AGPAT4: variants seen among roughly 807,000 people sequenced by gnomAD.
AGPAT4 encodes 1-acyl-sn-glycerol-3-phosphate acyltransferase delta.
In AGPAT4, 15 loss-of-function variants were observed where a neutral mutation model predicts 48.0. The ratio of observed to expected loss-of-function variants is 0.31; its 90% CI spans 0.21 to 0.48. AGPAT4 has a LOEUF of 0.48. Ranked by LOEUF, AGPAT4 falls within the 20% of genes least tolerant of loss-of-function variation. AGPAT4 has a pLI of 0.99. For missense variants in AGPAT4, 314 were observed against 482.5 expected, an observed-to-expected ratio of 0.65 and a Z score of 3.27; for synonymous variants, 178 against 198.7, an observed-to-expected ratio of 0.90 and a Z score of 0.88.
At position 161,232,346 on chromosome 6, in the gene AGPAT4, G is replaced by T; in HGVS notation, c.-89-44C>A. On this transcript the variant is annotated intron_variant, in intron 1 of 8. Transcript: ENST00000320285. This position sits in a 1 kb window ranked among gnomAD's most constrained non-coding sequence, Gnocchi z 6.8. ...GGAAATGTTAGCAAAAACACGATGT[G>T]CTTTTAGAGTCAGAAAAAAAGTGCT... is the stretch of plus-strand genomic sequence containing the variant. 1.1e-6 allele frequency: 1 copy of T among 887,214 alleles called. No homozygotes were observed. Among genetic ancestry groups the T allele is most frequent in the Non-Finnish European group, 1.7e-6 (1 of 601,022 alleles). The allele number at this position is 887,214 out of a possible 1,614,324, so 55.0% of individuals were successfully genotyped here.
rs558929627 is a variant in AGPAT4, at chr6:161,246,261, A to G, written c.-89-13959T>C. On this transcript the variant is annotated intron_variant, in intron 1 of 8. Transcript: ENST00000320285. This position sits in a 1 kb window ranked among gnomAD's most constrained non-coding sequence, Gnocchi z 5.5. Reference sequence around the variant, plus strand: ...ACAGAGTTGTTTAATTCACGCATACATTCATTCGTCCACTGAGAAGTATAT... The same window carrying G: ...ACAGAGTTGTTTAATTCACGCATACGTTCATTCGTCCACTGAGAAGTATAT... Among the ~76,000 whole-genome samples, 2 of 152,274 alleles carry G rather than the reference A, an allele frequency of 1.3e-5. No individual in the cohort carries two copies. Among genetic ancestry groups the G allele is most frequent in the East Asian group, 3.9e-4 (2 of 5,176 alleles).
chr6:161,139,390 C>A lies in AGPAT4; in HGVS notation c.1042+32G>T. ...GCCACCTCTCCCAGGGTGGTGCTGTCAGCACCCACCAGCCCCTTGCCCTCC... is the reference window on the plus strand; with the variant it reads ...GCCACCTCTCCCAGGGTGGTGCTGTAAGCACCCACCAGCCCCTTGCCCTCC... On this transcript the variant is annotated intron_variant, in intron 8 of 8. Coordinates refer to ENST00000320285, the MANE Select transcript of AGPAT4 (RefSeq NM_020133.3). This position sits in a 1 kb window ranked among gnomAD's most constrained non-coding sequence, Gnocchi z 9.1. 1 of 1,609,970 alleles carries A rather than the reference C, an allele frequency of 6.2e-7. No homozygotes were observed. The highest frequency in any genetic ancestry group is 1.1e-5 in the South Asian group (1 of 90,766).
intron 5 of AGPAT4, among the ~76,000 whole-genome samples, chr6:161,150,893 C>T (rs1057443363): frequency 6.6e-6 from 1 of 152,326 alleles, no homozygotes; most frequent in African/African-American, 2.4e-5. Context: ...TCACGTAGTT[C>T]AGCGGTTTTG....
rs990342485 is a variant in AGPAT4, at chr6:161,264,934, G to A, written c.-90+9004C>T. Among the ~76,000 whole-genome samples, 1 of 152,144 alleles carries A rather than the reference G, an allele frequency of 6.6e-6. No homozygotes were observed. The highest frequency in any genetic ancestry group is 1.5e-5 in the Non-Finnish European group (1 of 67,992). On this transcript the variant is annotated intron_variant, in intron 1 of 8. Transcript: ENST00000320285. The surrounding 1 kb of genome is among the most constrained non-coding windows in gnomAD (Gnocchi z 6.8). ...AGCCTAACTTCAGGCAGGGCAGGGT[G>A]CTGGTCCTGGGAAGGAAGTAAAGGT...
chr6:161,192,912 C>T (rs374382293), intron 2 of AGPAT4, among the ~76,000 whole-genome samples: 15 of 152,274 alleles, frequency 9.9e-5, no homozygotes, highest in African/African-American at 3.4e-4. Flanking sequence ...TGGTCTGTCA[C>T]TCTTTGGAAG....
rs749319306 is a variant in AGPAT4 at position 161,243,888 on chromosome 6, T to G, written c.-89-11586A>C. ...CCCTGAGCTGAAGTGACTCCTAAGATCCTCAAAGCCCACTCACAAGTTTTA... is the reference window on the plus strand; with the variant it reads ...CCCTGAGCTGAAGTGACTCCTAAGAGCCTCAAAGCCCACTCACAAGTTTTA... On this transcript the variant is annotated intron_variant, in intron 1 of 8. Coordinates refer to ENST00000320285, the MANE Select transcript of AGPAT4 (RefSeq NM_020133.3). This position sits in a 1 kb window ranked among gnomAD's most constrained non-coding sequence, Gnocchi z 4.8. Among the ~76,000 whole-genome samples, 1 of 152,186 alleles carries G rather than the reference T, an allele frequency of 6.6e-6. No homozygotes were observed. Among genetic ancestry groups the G allele is most frequent in the Non-Finnish European group, 1.5e-5 (1 of 68,038 alleles).
intron 2 of AGPAT4, among the ~76,000 whole-genome samples, chr6:161,168,630 C>G (rs922886869): frequency 6.6e-6 from 1 of 152,046 alleles, no homozygotes; most frequent in Non-Finnish European, 1.5e-5. Flanking sequence ...ACAAATGCCG[C>G]GTGATTACCT....
chr6:161,177,998 T>C lies in AGPAT4; in HGVS notation c.179-11581A>G, dbSNP rs1034363450. On this transcript the variant is annotated intron_variant, in intron 2 of 8. Transcript: ENST00000320285. The surrounding 1 kb of genome is among the most constrained non-coding windows in gnomAD (Gnocchi z 5.0). ...CAGAACAGCAAATGTTGCTGCCTGA[T>C]CCTTCCTCTGAAAGCTTCGTCTCAG... 1.3e-5 allele frequency among the ~76,000 whole-genome samples: 2 copies of C among 152,182 alleles called. No homozygotes were observed. The highest frequency in any genetic ancestry group is 2.9e-5 in the Non-Finnish European group (2 of 68,040).
rs1781989725 is a variant in AGPAT4, at chr6:161,226,654, C to A, written c.178+5382G>T. 6.6e-6 allele frequency among the ~76,000 whole-genome samples: 1 copy of A among 152,308 alleles called. No individual in the cohort carries two copies. The highest frequency in any genetic ancestry group is 2.4e-5 in the African/African-American group (1 of 41,584). On this transcript the variant is annotated intron_variant, in intron 2 of 8. Transcript: ENST00000320285. The surrounding 1 kb of genome is among the most constrained non-coding windows in gnomAD (Gnocchi z 6.3). ...AAGGCAGCCAGGCAGGGCTGGAGAG[C>A]TAGGTTCACTTTGTATAAAATTTTA...
At position 161,130,148 on chromosome 6, in the gene AGPAT4, C is replaced by T. The variant is rs2114939557; in HGVS notation, c.*6392G>A. ...TAGGGTGACATGACAGCCCATATAT[C>T]AGTTCTCTGTTTCACATTAAAAAGT... On this transcript the variant is annotated 3_prime_UTR_variant, in exon 9 of 9. Transcript: ENST00000320285. 6.6e-6 allele frequency: 1 copy of T among 152,344 alleles called. No individual in the cohort carries two copies. Among genetic ancestry groups the T allele is most frequent in the Admixed American group, 6.5e-5 (1 of 15,310 alleles). The allele number at this position is 152,344 out of a possible 1,614,324, so 9.4% of individuals were successfully genotyped here. A position where few individuals can be genotyped will look rare whatever the true frequency, so the allele number is the denominator to read the frequency against.
At chr6:161,203,445 A>G (rs533923797) in intron 2 of AGPAT4, among the ~76,000 whole-genome samples, 9 of 139,850 alleles carry the variant, frequency 6.4e-5, no homozygotes, top group Admixed American at 3.0e-4. Context: ...TTGGAGTGCA[A>G]TGGCGTGATC....
Position 161,270,868 on chromosome 6 carries a change from CA to C in AGPAT4, c.-90+3069del, listed in dbSNP as rs1783402426. 1.3e-5 allele frequency among the ~76,000 whole-genome samples: 2 copies of C among 152,170 alleles called. No homozygotes were observed. Among genetic ancestry groups the C allele is most frequent in the Non-Finnish European group, 1.5e-5 (1 of 68,028 alleles). The stretch of plus-strand genomic sequence containing the variant: ...AAAGGAGACTGCACAAAACGTGTGA[CA>C]TTTACCAAACCCTCATTTGAGCATC... On this transcript the variant is annotated intron_variant, in intron 1 of 8. Transcript: ENST00000320285. This position sits in a 1 kb window ranked among gnomAD's most constrained non-coding sequence, Gnocchi z 5.3.
Position 161,139,524 on chromosome 6 carries a change from A to G in AGPAT4, c.940T>C (p.Trp314Arg). Residue 314 changes from tryptophan (W) to arginine (R), a missense_variant, in exon 8 of 9, where the codon TGG (tryptophan) becomes CGG (arginine). Transcript: ENST00000320285. This position sits in a 1 kb window ranked among gnomAD's most constrained non-coding sequence, Gnocchi z 9.1. ...AAAGGGTAGAGCACCAGCGAGGCCC[A>G]AAACAGCCAGTTCACGAGGGTCCAG... ...RPWTLVNWLF[W>R]ASLVLYPFFQ... 6.2e-7 allele frequency: 1 copy of G among 1,614,100 alleles called. No individual in the cohort carries two copies. Among genetic ancestry groups the G allele is most frequent in the Non-Finnish European group, 8.5e-7 (1 of 1,180,036 alleles).
Position 161,253,277 on chromosome 6 carries a change from C to T in AGPAT4, c.-90+20661G>A, listed in dbSNP as rs867800115. 4.9e-5 allele frequency among the ~76,000 whole-genome samples: 7 copies of T among 143,688 alleles called. No individual in the cohort carries two copies. The South Asian group carries it at 8.9e-4, about 18-fold the overall frequency. The allele number at this position is 143,688 out of a possible 152,430, so 94.3% of individuals were successfully genotyped here. A position where few individuals can be genotyped will look rare whatever the true frequency, so the allele number is the denominator to read the frequency against. On this transcript the variant is annotated intron_variant, in intron 1 of 8. Transcript: ENST00000320285. Reference sequence around the variant, plus strand: ...TTTTTTTAATTTTTTTTTTTTGAGACGGAGTCTTGCGCTGTTGCCCAGGCT... The same window carrying T: ...TTTTTTTAATTTTTTTTTTTTGAGATGGAGTCTTGCGCTGTTGCCCAGGCT...
rs1253817872 is a variant in AGPAT4, at chr6:161,144,456, G to A, written c.843+2068C>T. Among the ~76,000 whole-genome samples the A allele has an allele frequency of 2.0e-5, 3 of 152,118 alleles. No homozygotes were observed. Among genetic ancestry groups the A allele is most frequent in the Admixed American group, 2.0e-4 (3 of 15,278 alleles). The stretch of plus-strand genomic sequence containing the variant: ...CATTTAAATGTGAACATAGTTTAGA[G>A]GAAAACACCCTAAGAGACTTTTAAC... On this transcript the variant is annotated intron_variant, in intron 7 of 8. Transcript: ENST00000320285. The surrounding 1 kb of genome is among the most constrained non-coding windows in gnomAD (Gnocchi z 6.6).
intron 2 of AGPAT4, among the ~76,000 whole-genome samples, chr6:161,176,015 C>A (rs113651592): frequency 6.6e-6 from 1 of 151,994 alleles, no homozygotes; most frequent in African/African-American, 2.4e-5. Flanking sequence ...TTTGTTATAA[C>A]TTCTGTTCTT....
chr6:161,208,580 C>T lies in AGPAT4; in HGVS notation c.178+23456G>A, dbSNP rs975786875. On this transcript the variant is annotated intron_variant, in intron 2 of 8. Coordinates refer to ENST00000320285, the MANE Select transcript of AGPAT4 (RefSeq NM_020133.3). This position sits in a 1 kb window ranked among gnomAD's most constrained non-coding sequence, Gnocchi z 4.6. Reference sequence around the variant, plus strand: ...TCAAATTTGAATTCACTTAAAACAACGATAGCAAAAAAATACTTGCAATGA... The same window carrying T: ...TCAAATTTGAATTCACTTAAAACAATGATAGCAAAAAAATACTTGCAATGA... Among the ~76,000 whole-genome samples the T allele has an allele frequency of 1.3e-5, 2 of 151,382 alleles. No individual in the cohort carries two copies. The highest frequency in any genetic ancestry group is 1.9e-4 in the East Asian group (1 of 5,170).
Position 161,142,752 on chromosome 6 carries a change from G to A in AGPAT4, c.844-3132C>T, listed in dbSNP as rs1779294889. ...CTCCTCTTAGTCAGCAAGTCTGGGCGGGGAGAGGCTCTGTGAGAAGCGCTC... is the reference window on the plus strand; with the variant it reads ...CTCCTCTTAGTCAGCAAGTCTGGGCAGGGAGAGGCTCTGTGAGAAGCGCTC... On this transcript the variant is annotated intron_variant, in intron 7 of 8. Coordinates refer to ENST00000320285, the MANE Select transcript of AGPAT4 (RefSeq NM_020133.3). The surrounding 1 kb of genome is among the most constrained non-coding windows in gnomAD (Gnocchi z 6.4). Among the ~76,000 whole-genome samples, 2 of 152,192 alleles carry A rather than the reference G, an allele frequency of 1.3e-5. No homozygotes were observed. The highest frequency in any genetic ancestry group is 2.9e-5 in the Non-Finnish European group (2 of 68,040).
In AGPAT4 at chr6:161,255,691, G is replaced by A. The variant is rs2114741255; in HGVS notation, c.-90+18247C>T. Among the ~76,000 whole-genome samples the A allele has an allele frequency of 6.6e-6, 1 of 152,192 alleles. No individual in the cohort carries two copies. The highest frequency in any genetic ancestry group is 1.5e-5 in the Non-Finnish European group (1 of 68,004). ...CTAGGCCAATGCATGGAGACAGAAA[G>A]TGAACTTGTGGTTGTCTAGGGCTGG... On this transcript the variant is annotated intron_variant, in intron 1 of 8. Coordinates refer to ENST00000320285, the MANE Select transcript of AGPAT4 (RefSeq NM_020133.3). This position sits in a 1 kb window ranked among gnomAD's most constrained non-coding sequence, Gnocchi z 4.7.
Sources: allele counts gnomAD v4.1 joint callset (sites outside exome capture counted in the v4.1 genomes callset), GRCh38; gene constraint gnomAD v4.1.1; non-coding constraint Gnocchi (gnomAD v3.1); transcripts MANE v1.5; gene names NCBI Gene and HGNC (gene_info 2026-07-23, HGNC 2026-07-21).